RSBN1: variants seen among roughly 807,000 people sequenced by gnomAD.
RSBN1 encodes the protein round spermatid basic protein 1.
A neutral mutation model predicts 74.8 loss-of-function variants in RSBN1; 23 were observed. The observed-to-expected ratio is 0.31, with a 90% confidence interval of 0.22 to 0.44. The LOEUF (loss-of-function observed/expected upper bound fraction) is 0.44, where lower values mean the gene tolerates loss of function less well. Among genes scored for constraint, RSBN1 ranks in the 20% least tolerant of loss-of-function variants. RSBN1 has a pLI of 1.00. For synonymous variants in RSBN1, 407 were observed against 379.6 expected, an observed-to-expected ratio of 1.07 and a Z score of -0.84; for missense variants, 808 against 1,020.9, an observed-to-expected ratio of 0.79 and a Z score of 2.84.
At chr1:113,803,711 C>A (rs897890291) in intron 1 of RSBN1, among the ~76,000 whole-genome samples, 1 of 149,548 alleles carries the variant, frequency 6.7e-6, no homozygotes, top group Admixed American at 6.7e-5. Context: ...AGGTGCTGTA[C>A]TGTTAGATAG....
intron 2 of RSBN1, among the ~76,000 whole-genome samples, chr1:113,783,227 G>C (rs1050146227): frequency 1.3e-5 from 2 of 150,532 alleles, no homozygotes; most frequent in African/African-American, 4.9e-5. Context: ...TTGAATTTCT[G>C]TATGTTAAGG....
At chr1:113,774,410 C>T (rs1659945712) in intron 4 of RSBN1, among the ~76,000 whole-genome samples, 1 of 151,852 alleles carries the variant, frequency 6.6e-6, no homozygotes, top group Non-Finnish European at 1.5e-5. Context: ...CACGGTGGCT[C>T]ACGCCTGTAA....
At chr1:113,767,942 G>T in intron 5 of RSBN1, 1 of 255,514 alleles carries the variant, frequency 3.9e-6, no homozygotes, top group Non-Finnish European at 7.5e-6. Context: ...AAACAAAGTA[G>T]AATGATGGTT....
chr1:113,787,368 A>G (rs2101807784), intron 2 of RSBN1, among the ~76,000 whole-genome samples: 1 of 152,350 alleles, frequency 6.6e-6, no homozygotes, highest in Non-Finnish European at 1.5e-5. Context: ...CAAGCTATCA[A>G]AATGTTTTTG....
At chr1:113,792,699 T>C (rs1051783271) in intron 2 of RSBN1, among the ~76,000 whole-genome samples, 1 of 151,990 alleles carries the variant, frequency 6.6e-6, no homozygotes, top group Non-Finnish European at 1.5e-5. Flanking sequence ...TAAGAAACAG[T>C]AGAAAGACTA....
chr1:113,767,723 A>G (rs1659807739), intron 5 of RSBN1, among the ~76,000 whole-genome samples: 1 of 152,230 alleles, frequency 6.6e-6, no homozygotes, highest in African/African-American at 2.4e-5. Flanking sequence ...AAGCAACCCA[A>G]GTGTCCACTG....
At chr1:113,769,903 G>A (rs1030877822) in intron 4 of RSBN1, among the ~76,000 whole-genome samples, 4 of 152,196 alleles carry the variant, frequency 2.6e-5, no homozygotes, top group African/African-American at 9.7e-5. Context: ...CCTGCAGGTA[G>A]AAATGTAGAC....
At chr1:113,807,329 C>T (rs887002748) in intron 1 of RSBN1, among the ~76,000 whole-genome samples, 2 of 142,280 alleles carry the variant, frequency 1.4e-5, no homozygotes, top group African/African-American at 5.1e-5. Flanking sequence ...AAAAAAAAAA[C>T]AACCAAAATA....
rs541033126 is a variant in RSBN1 at position 113,766,319 on chromosome 1, C to G, written c.2070G>C (p.Ser690=). The G allele has an allele frequency of 1.7e-5, 28 of 1,613,874 alleles. 2 individuals carry two copies. The South Asian group carries it at 3.1e-4, about 18-fold the overall frequency. Residue 690 remains serine (S), a synonymous_variant, in exon 7 of 7, where the codon TCG becomes TCC. Coordinates refer to ENST00000261441, the MANE Select transcript of RSBN1 (RefSeq NM_018364.5). ...TATGCCAGGCTAAGCTGCACACCGC[C>G]GAAACTGTTTTGAACTGATGAATGA... is the stretch of plus-strand genomic sequence containing the variant. ...RNVIHQFKTV[S]AVCSLAWHIR...
intron 2 of RSBN1, among the ~76,000 whole-genome samples, chr1:113,784,408 T>C (rs547752114): frequency 6.6e-6 from 1 of 152,266 alleles, no homozygotes; most frequent in African/African-American, 2.4e-5. Context: ...TTACAGCATG[T>C]TATTGTACTG....
rs753813023 is a variant in RSBN1, at chr1:113,766,284, T to C, written c.2105A>G (p.Lys702Arg). 4.3e-6 allele frequency: 7 copies of C among 1,614,116 alleles called. No individual in the cohort carries two copies. The South Asian group carries it at 4.4e-5, about 10-fold the overall frequency. ...VCSLAWHIRL[K>R]QYHPVVEATQ... ...GGCTTCCACAACAGGGTGGTACTGT[T>C]TAAGCCTTATATGCCAGGCTAAGCT... Residue 702 changes from lysine to arginine, a missense_variant, in exon 7 of 7, where the codon AAA becomes AGA. Transcript: ENST00000261441.
At chr1:113,774,666 G>A (rs1203867581) in intron 4 of RSBN1, among the ~76,000 whole-genome samples, 1 of 151,964 alleles carries the variant, frequency 6.6e-6, no homozygotes, top group Non-Finnish European at 1.5e-5. Flanking sequence ...GACAGAGCAA[G>A]ACTCTGTCTC....
At chr1:113,803,392 T>C (rs1660629577) in intron 1 of RSBN1, among the ~76,000 whole-genome samples, 1 of 152,234 alleles carries the variant, frequency 6.6e-6, no homozygotes, top group East Asian at 1.9e-4. Context: ...TCGTATAGTA[T>C]GTTTAGTTTT....
At chr1:113,811,324 A>G (rs953659810) in intron 1 of RSBN1, among the ~76,000 whole-genome samples, 7 of 152,196 alleles carry the variant, frequency 4.6e-5, no homozygotes, top group Non-Finnish European at 8.8e-5. Context: ...AGCAAGGGAG[A>G]GCAGATAACT....
At chr1:113,768,422 A>G in intron 4 of RSBN1, 33 bp from the exon 5 acceptor site, 2 of 1,534,986 alleles carry the variant, frequency 1.3e-6, no homozygotes, top group Non-Finnish European at 1.8e-6. Flanking sequence ...ACAAAGGGTA[A>G]GCAAGGAAGA....
chr1:113,789,141 G>C (rs574347786), intron 2 of RSBN1, among the ~76,000 whole-genome samples: 71 of 152,214 alleles, frequency 4.7e-4, no homozygotes, highest in Non-Finnish European at 8.8e-4. Context: ...GGTACAATTA[G>C]AGGGTTGGAC....
At position 113,778,288 on chromosome 1, in the gene RSBN1, C is replaced by CT. The variant is rs1157172067; in HGVS notation, c.1378-481dup. ...CTCACTGTTACCAAGACAGGCCAAT[C>CT]TTTTTTTTTTTTTTTTCCTTTTTTT... On this transcript the variant is annotated intron_variant, in intron 2 of 6. Transcript: ENST00000261441. 4.7e-3 allele frequency among the ~76,000 whole-genome samples: 639 copies of CT among 136,122 alleles called. 1 individual carries two copies. The highest frequency in any genetic ancestry group is 0.012 in the African/African-American group (456 of 36,876). 89.3% of individuals were successfully genotyped at this position (136,122 alleles called of 152,430 possible). A position where few individuals can be genotyped will look rare whatever the true frequency, so the allele number is the denominator to read the frequency against.
At chr1:113,780,893 T>G (rs149765041) in intron 2 of RSBN1, among the ~76,000 whole-genome samples, 2,163 of 152,314 alleles carry the variant, frequency 0.014, 28 homozygotes, top group Non-Finnish European at 0.022. Context: ...AACCACAACC[T>G]TCCTGTTTTC....
At position 113,797,765 on chromosome 1, in the gene RSBN1, T is replaced by A. The variant is rs1489553092; in HGVS notation, c.975A>T (p.Gln325His). 5.6e-6 allele frequency: 9 copies of A among 1,614,042 alleles called. No individual in the cohort carries two copies. Among genetic ancestry groups the A allele is most frequent in the Non-Finnish European group, 7.6e-6 (9 of 1,180,014 alleles). Reference sequence around the variant, plus strand: ...GTACTCCCTGGGGTACCCGATATTCTTGCATACCCAAATTTAATCGGCACA... The same window carrying A: ...GTACTCCCTGGGGTACCCGATATTCATGCATACCCAAATTTAATCGGCACA... ...EQLCRLNLGM[Q>H]EYRVPQGVQT... The change falls in exon 2 of 7, where the codon CAA becomes CAT. Residue 325 changes from glutamine to histidine, a missense_variant. Coordinates refer to ENST00000261441, the MANE Select transcript of RSBN1 (RefSeq NM_018364.5).
Sources: allele counts gnomAD v4.1 joint callset (sites outside exome capture counted in the v4.1 genomes callset), GRCh38; gene constraint gnomAD v4.1.1; transcripts MANE v1.5; gene names NCBI Gene and HGNC (gene_info 2026-07-23, HGNC 2026-07-21).